The following RLN2 variants were observed in gnomAD, a reference collection of about 807,000 sequenced individuals.
RLN2 encodes prorelaxin H2.
Under a neutral mutation model 7.3 loss-of-function variants are expected in RLN2, and 10 were observed. That is an observed-to-expected ratio of 1.36 (90% CI 0.84 to 2.31). The LOEUF (loss-of-function observed/expected upper bound fraction) is 2.31. RLN2 is among the 30% of genes most tolerant of loss of function. RLN2 has a pLI of 0.00. For synonymous variants in RLN2, 103 were observed against 82.3 expected, an observed-to-expected ratio of 1.25 and a Z score of -1.36; for missense variants, 298 against 217.6, an observed-to-expected ratio of 1.37 and a Z score of -2.32.
the RLN2 span, among the ~76,000 whole-genome samples, chr9:5,315,687 A>C: frequency 3.3e-5 from 5 of 152,204 alleles, no homozygotes; most frequent in African/African-American, 1.2e-4. Flanking sequence ...AGAGAATTTC[A>C]AAAGCAGCAA....
Position 5,299,992 on chromosome 9 carries a change from G to T in RLN2, c.*106C>A, listed in dbSNP as rs139828473. The T allele has an allele frequency of 4.8e-5, 31 of 648,024 alleles. No individual in the cohort carries two copies. In the East Asian group the frequency reaches 8.3e-4, roughly 17 times the overall value. 40.1% of individuals were successfully genotyped at this position (648,024 alleles called of 1,614,324 possible). ...TTGATGGGACCTAATATCTAACAAA[G>T]ATTCTTAGATATTCTAAGAATTGAT... On this transcript the variant is annotated 3_prime_UTR_variant, in exon 2 of 2. Transcript: ENST00000381627.
At chr9:5,327,136 C>G in the RLN2 span, among the ~76,000 whole-genome samples, 6 of 152,006 alleles carry the variant, frequency 3.9e-5, 1 homozygote, top group Non-Finnish European at 7.4e-5. Flanking sequence ...ATTTCCCTTT[C>G]CTAGCCAAGG....
the RLN2 span, among the ~76,000 whole-genome samples, chr9:5,331,788 C>T: frequency 1.6e-3 from 236 of 152,030 alleles, 4 homozygotes; most frequent in African/African-American, 5.2e-3. Flanking sequence ...GCACGTTGTG[C>T]ACATGTACCC....
chr9:5,304,581 C>G lies in RLN2; in HGVS notation c.-1G>C, dbSNP rs140098018. ...GGTGGAAAAAAAACAGGCGAGGCAT[C>G]CTGGGCCTGGTCTCTCCTGGAGGTC... On this transcript the variant is annotated 5_prime_UTR_variant, in exon 1 of 2. Coordinates refer to ENST00000381627, the MANE Select transcript of RLN2 (RefSeq NM_134441.3). The G allele has an allele frequency of 4.4e-5, 71 of 1,613,516 alleles. No individual in the cohort carries two copies. The highest frequency in any genetic ancestry group is 5.6e-5 in the Non-Finnish European group (66 of 1,179,750).
intron 1 of RLN2, among the ~76,000 whole-genome samples, chr9:5,301,076 G>A (rs1043624472): frequency 9.2e-5 from 14 of 152,210 alleles, no homozygotes; most frequent in African/African-American, 3.1e-4. Flanking sequence ...TTATATGAAA[G>A]AGAGAAGTGG....
chr9:5,337,905 CTTTAAG>C, the RLN2 span, among the ~76,000 whole-genome samples: 3 of 152,100 alleles, frequency 2.0e-5, no homozygotes, highest in Non-Finnish European at 4.4e-5. Flanking sequence ...ACCAAAGAAT[CTTTAAG>C]TTTATGTGGC....
At chr9:5,319,443 G>A in the RLN2 span, among the ~76,000 whole-genome samples, 1 of 151,666 alleles carries the variant, frequency 6.6e-6, no homozygotes, top group Non-Finnish European at 1.5e-5. Flanking sequence ...TTTTTTATGA[G>A]AAGTTTTTTT....
chr9:5,307,111 G>A (rs1273937067), upstream of RLN2, among the ~76,000 whole-genome samples: 1 of 152,002 alleles, frequency 6.6e-6, no homozygotes, highest in Non-Finnish European at 1.5e-5. Flanking sequence ...CTGGGAGGGT[G>A]GGAATAGCCT....
the RLN2 span, among the ~76,000 whole-genome samples, chr9:5,316,139 C>T: frequency 0.58 from 87,282 of 151,666 alleles, 27,143 homozygotes; most frequent in African/African-American, 0.8. Context: ...ATAATAACTA[C>T]AATAAGTTGT....
chr9:5,304,435 A>G lies in RLN2; in HGVS notation c.146T>C (p.Met49Thr), dbSNP rs1439117467. The G allele has an allele frequency of 6.2e-7, 1 of 1,612,662 alleles. No individual in the cohort carries two copies. Among genetic ancestry groups the G allele is most frequent in the South Asian group, 1.1e-5 (1 of 90,970 alleles). ...CAGAGACCTTTTGCTCCAGGTGCTC[A>G]TGCCGCAAATGGCAATCTGCGCGCG... is the stretch of plus-strand genomic sequence containing the variant. ...LVRAQIAICG[M>T]STWSKRSLSQ... is the part of the protein sequence containing the mutation. Residue 49 changes from methionine to threonine, a missense_variant, in exon 1 of 2, where the codon ATG (methionine) becomes ACG (threonine). Transcript: ENST00000381627.
chr9:5,314,324 C>A, the RLN2 span, among the ~76,000 whole-genome samples: 2 of 151,990 alleles, frequency 1.3e-5, no homozygotes, highest in Non-Finnish European at 2.9e-5. Context: ...TTCTTGGGGC[C>A]AAGCTGCAGT....
chr9:5,317,636 C>T, the RLN2 span, among the ~76,000 whole-genome samples: 1 of 151,656 alleles, frequency 6.6e-6, no homozygotes, highest in South Asian at 2.1e-4. Context: ...AAAATATTTG[C>T]CACATCTATT....
chr9:5,324,979 G>T, the RLN2 span, among the ~76,000 whole-genome samples: 1 of 151,996 alleles, frequency 6.6e-6, no homozygotes, highest in South Asian at 2.1e-4. Context: ...CTAAGTATAA[G>T]GATAAGTGTA....
the RLN2 span, among the ~76,000 whole-genome samples, chr9:5,319,886 G>C: frequency 1.3e-5 from 2 of 151,832 alleles, no homozygotes; most frequent in East Asian, 1.9e-4. Context: ...TAATAGAAGA[G>C]CAGGTGAAAG....
the RLN2 span, among the ~76,000 whole-genome samples, chr9:5,310,995 A>G: frequency 6.6e-6 from 1 of 152,168 alleles, no homozygotes. Context: ...TTGCTCTGGA[A>G]AGCCCTACTT....
chr9:5,304,933 G>A, upstream of RLN2: 1 of 224,010 alleles, frequency 4.5e-6, no homozygotes, highest in Non-Finnish European at 8.9e-6. Context: ...TTTTAGATAT[G>A]AAGCCTTTCC....
chr9:5,323,876 G>A, the RLN2 span, among the ~76,000 whole-genome samples: 3 of 151,746 alleles, frequency 2.0e-5, 1 homozygote, highest in East Asian at 1.9e-4. Flanking sequence ...GCTAAACTGC[G>A]TGTCTACTAA....
At chr9:5,320,455 C>A in the RLN2 span, among the ~76,000 whole-genome samples, 1 of 151,890 alleles carries the variant, frequency 6.6e-6, no homozygotes, top group African/African-American at 2.4e-5. Context: ...ACTGCAACCT[C>A]CACCTCTCAG....
chr9:5,317,428 GGC>G, the RLN2 span, among the ~76,000 whole-genome samples: 9 of 149,452 alleles, frequency 6.0e-5, no homozygotes, highest in African/African-American at 2.2e-4. Flanking sequence ...CTCCAGCCTG[GGC>G]AACAGAGTGA....
Sources: allele counts gnomAD v4.1 joint callset (sites outside exome capture counted in the v4.1 genomes callset), GRCh38; gene constraint gnomAD v4.1.1; transcripts MANE v1.5; gene names NCBI Gene and HGNC (gene_info 2026-07-23, HGNC 2026-07-21).